Variants in SYNE2 observed in about 807,000 individuals in gnomAD.
SYNE2 encodes the protein spectrin repeat containing nuclear envelope protein 2, also known as nesprin-2.
Under a neutral mutation model 856.3 loss-of-function variants are expected in SYNE2, and 431 were observed. That is an observed-to-expected ratio of 0.50 (90% CI 0.47 to 0.55). The LOEUF is 0.55. Among genes scored for constraint, SYNE2 ranks in the 20% least tolerant of loss-of-function variants. SYNE2 has a pLI of 0.00. For synonymous variants in SYNE2, 2,923 were observed against 2,872.3 expected (o/e 1.02, Z -0.56); for missense variants, 8,129 against 8,023.2 (o/e 1.01, Z -0.50).
At chr14:64,011,839 C>T (rs926866757) in intron 32 of SYNE2, among the ~76,000 whole-genome samples, 4 of 152,200 alleles carry the variant, frequency 2.6e-5, no homozygotes, top group Non-Finnish European at 5.9e-5. Flanking sequence ...CTTCTTGTCA[C>T]CTCCAGGGAG....
intron 53 of SYNE2, 110 bp downstream of exon 53, chr14:64,074,246 G>GGA (rs1327894151): frequency 3.1e-5 from 34 of 1,101,910 alleles, no homozygotes; most frequent in Middle Eastern, 3.9e-4. Flanking sequence ...AGCGGTCTGG[G>GGA]GAGAGAGAGA....
rs1152598 is a variant in SYNE2 at position 64,202,645 on chromosome 14, A to C, written c.18039-156A>C. Among the ~76,000 whole-genome samples, 10,920 of 152,224 alleles carry C rather than the reference A, an allele frequency of 0.072. 618 individuals carry two copies. The highest frequency in any genetic ancestry group is 0.34 in the East Asian group (1,769 of 5,160). On this transcript the variant is annotated intron_variant, in intron 99 of 115. Coordinates refer to ENST00000555002, the MANE Select transcript of SYNE2 (RefSeq NM_182914.3). The stretch of plus-strand genomic sequence containing the variant: ...TCTCTGAGAACTCGTATCTGGTGAC[A>C]TGAGAGTTGTTCTGATATAAAATCA...
At chr14:64,103,500 C>T (rs534582516) in intron 64 of SYNE2, among the ~76,000 whole-genome samples, 4 of 152,112 alleles carry the variant, frequency 2.6e-5, no homozygotes, top group East Asian at 1.9e-4. Context: ...GTGAAAACTA[C>T]GTGCTTCCTT....
chr14:63,790,081 C>T (rs1415638787), intron 1 of SYNE2, among the ~76,000 whole-genome samples: 4 of 152,174 alleles, frequency 2.6e-5, no homozygotes, highest in Non-Finnish European at 5.9e-5. Flanking sequence ...GGAAATTGCT[C>T]AGCAATTTGG....
intron 1 of SYNE2, among the ~76,000 whole-genome samples, chr14:63,789,442 C>G (rs1887653478): frequency 1.3e-5 from 2 of 152,218 alleles, no homozygotes; most frequent in South Asian, 2.1e-4. Flanking sequence ...TCATTCTTTG[C>G]ACGCCTGAAA....
At chr14:64,076,455 G>A (rs1454780895) in intron 54 of SYNE2, among the ~76,000 whole-genome samples, 1 of 152,038 alleles carries the variant, frequency 6.6e-6, no homozygotes, top group Admixed American at 6.5e-5. Flanking sequence ...TACATTCTTT[G>A]AAACATTTTG....
chr14:63,939,593 C>T (rs761173749), intron 2 of SYNE2, among the ~76,000 whole-genome samples: 2 of 152,018 alleles, frequency 1.3e-5, no homozygotes, highest in Non-Finnish European at 2.9e-5. Context: ...GGTGATCCAC[C>T]GGCCTCAGCC....
chr14:64,059,715 A>G (rs771521995), intron 49 of SYNE2, among the ~76,000 whole-genome samples: 4 of 152,230 alleles, frequency 2.6e-5, no homozygotes, highest in South Asian at 2.1e-4. Context: ...GGGCTCTACA[A>G]TCAACAGGAG....
chr14:64,002,749 T>C lies in SYNE2; in HGVS notation c.3816T>C (p.Ile1272=), dbSNP rs1567021727. 2.5e-6 allele frequency: 4 copies of C among 1,613,218 alleles called. No homozygotes were observed. Among genetic ancestry groups the C allele is most frequent in the East Asian group, 2.2e-5 (1 of 44,872 alleles). Residue 1272 remains isoleucine (I), a synonymous_variant, in exon 30 of 116, where the codon ATT becomes ATC. Transcript: ENST00000555002. ...RNIQDSIAKQ[I]EICNRLEEPG... ...TCCAAGATTCCATAGCAAAACAGAT[T>C]GAAATATGTAACCGCTTAGAAGAGC... is the stretch of plus-strand genomic sequence containing the variant.
chr14:63,791,040 C>T (rs950191816), intron 1 of SYNE2, among the ~76,000 whole-genome samples: 9 of 152,034 alleles, frequency 5.9e-5, no homozygotes, highest in African/African-American at 2.2e-4. Flanking sequence ...TCACTGCAAA[C>T]TCTGCCTCCC....
intron 8 of SYNE2, chr14:63,956,417 T>G (rs2096242478): frequency 2.2e-6 from 1 of 456,660 alleles, no homozygotes; most frequent in Non-Finnish European, 4.4e-6. Context: ...ATTGATGATT[T>G]TTTCACAACC....
upstream of SYNE2, among the ~76,000 whole-genome samples, chr14:63,851,969 A>G (rs1890510905): frequency 5.1e-5 from 1 of 19,762 alleles, no homozygotes; most frequent in South Asian, 4.3e-3. Flanking sequence ...GGTCCCAGCT[A>G]CTAAGCGGGG....
chr14:63,986,492 A>C lies in SYNE2; in HGVS notation c.2188A>C (p.Thr730Pro). Residue 730 changes from threonine to proline, a missense_variant, in exon 19 of 116, where the codon ACA becomes CCA. Around this residue, in one of 3 missense-constraint regions of SYNE2, gnomAD observed 2,422 missense variants for 2,357.4 expected, o/e 1.03. Transcript: ENST00000555002. ...ACATGAAAAAGAAAATGAAGAATTC[A>C]CAGGGCAACTAAAAGTGGCTAAAGA... ...EKHEKENEEFTGQLKVAKDVE... is the reference protein window; with the variant it reads ...EKHEKENEEFPGQLKVAKDVE... 1 of 1,614,182 alleles carries C rather than the reference A, an allele frequency of 6.2e-7. No individual in the cohort carries two copies. Among genetic ancestry groups the C allele is most frequent in the South Asian group, 1.1e-5 (1 of 91,080 alleles).
chr14:64,214,439 C>T lies in SYNE2; in HGVS notation c.19302C>T (p.Asp6434=), dbSNP rs370677320. 14 of 1,613,538 alleles carry T rather than the reference C, an allele frequency of 8.7e-6. No homozygotes were observed. The highest frequency in any genetic ancestry group is 5.0e-5 in the Admixed American group (3 of 59,988). ...DVGGSSSHEE[D]EEGPYYSALS... ...GGGGCTCCTCCTCTCACGAAGAGGA[C>T]GAGGAGGGCCCATACTACAGCGCAC... The change falls in exon 106 of 116, where the codon GAC becomes GAT. Residue 6434 remains aspartate, a synonymous_variant. Coordinates refer to ENST00000555002, the MANE Select transcript of SYNE2 (RefSeq NM_182914.3).
intron 21 of SYNE2, among the ~76,000 whole-genome samples, chr14:63,992,708 C>A (rs1314240789): frequency 6.6e-6 from 1 of 152,202 alleles, no homozygotes; most frequent in Non-Finnish European, 1.5e-5. Flanking sequence ...TACACTCTCA[C>A]AACAGAAGCA....
intron 30 of SYNE2, among the ~76,000 whole-genome samples, chr14:64,005,414 T>G (rs938787962): frequency 6.6e-6 from 1 of 152,176 alleles, no homozygotes; most frequent in Non-Finnish European, 1.5e-5. Flanking sequence ...AGATGATTTA[T>G]TGACACATGG....
chr14:63,957,011 C>A lies in SYNE2; in HGVS notation c.787+2096C>A, dbSNP rs1461253751. Among the ~76,000 whole-genome samples the A allele has an allele frequency of 2.6e-5, 4 of 152,074 alleles. No homozygotes were observed. In the East Asian group the frequency reaches 7.7e-4, roughly 29 times the overall value. On this transcript the variant is annotated intron_variant, in intron 8 of 115. Coordinates refer to ENST00000555002, the MANE Select transcript of SYNE2 (RefSeq NM_182914.3). ...GCCCCAGTACTTGCTAATTACATTT[C>A]ACATAAATGGAATTATACAATATAT...
chr14:64,225,046 G>A lies in SYNE2; in HGVS notation c.20516+1G>A, dbSNP rs759141700. On this transcript the variant is annotated splice_donor_variant, in intron 115 of 115. Coordinates refer to ENST00000555002, the MANE Select transcript of SYNE2 (RefSeq NM_182914.3). LOFTEE classifies it high-confidence loss of function. Reference sequence around the variant, plus strand: ...AAGGCGAGGAGGAGACAGAGAGCAGGTAACGGGGCTTTACCGTGACAGCAG... The same window carrying A: ...AAGGCGAGGAGGAGACAGAGAGCAGATAACGGGGCTTTACCGTGACAGCAG... 6.2e-7 allele frequency: 1 copy of A among 1,613,966 alleles called. No homozygotes were observed. The highest frequency in any genetic ancestry group is 8.5e-7 in the Non-Finnish European group (1 of 1,179,932).
In SYNE2 at chr14:64,052,128, A is replaced by C; in HGVS notation, c.8215A>C (p.Thr2739Pro). 2.5e-6 allele frequency: 4 copies of C among 1,614,192 alleles called. No individual in the cohort carries two copies. Among genetic ancestry groups the C allele is most frequent in the Non-Finnish European group, 3.4e-6 (4 of 1,180,026 alleles). ...KCDIRNKMKETILWAKNLLGE... is the reference protein window; with the variant it reads ...KCDIRNKMKEPILWAKNLLGE... ...TGACATAAGGAACAAGATGAAAGAG[A>C]CTATCTTATGGGCCAAGAATTTGTT... The change falls in exon 48 of 116, where the codon ACT (threonine) becomes CCT (proline). Residue 2739 changes from threonine (T) to proline (P), a missense_variant. Thr to Pro is a conservative substitution (Grantham distance 38). Coordinates refer to ENST00000555002, the MANE Select transcript of SYNE2 (RefSeq NM_182914.3).
Sources: allele counts gnomAD v4.1 joint callset (sites outside exome capture counted in the v4.1 genomes callset), GRCh38; gene constraint gnomAD v4.1.1; regional missense constraint gnomAD v4.1.1; transcripts MANE v1.5; gene names NCBI Gene and HGNC (gene_info 2026-07-23, HGNC 2026-07-21).